Variants in PCCA observed in about 807,000 individuals in gnomAD.
The protein encoded by PCCA is propionyl-CoA carboxylase alpha chain, mitochondrial.
A neutral mutation model predicts 101.3 loss-of-function variants in PCCA; 74 were observed. The observed-to-expected ratio is 0.73, with a 90% confidence interval of 0.61 to 0.89. PCCA has a LOEUF of 0.89. Among genes scored for constraint, PCCA ranks in the 40% least tolerant of loss-of-function variants. PCCA has a pLI of 0.00. For synonymous variants in PCCA, 294 were observed against 313.6 expected (o/e 0.94, Z 0.66); for missense variants, 891 against 907.0 (o/e 0.98, Z 0.23).
chr13:100,425,432 T>A (rs1056069567), intron 19 of PCCA, among the ~76,000 whole-genome samples: 7 of 152,270 alleles, frequency 4.6e-5, no homozygotes, highest in Non-Finnish European at 1.0e-4. Context: ...AGGCAGCTGT[T>A]CACAGGTCCT....
intron 16 of PCCA, 21 bp downstream of exon 16, chr13:100,309,929 T>A: frequency 6.4e-7 from 1 of 1,566,648 alleles, no homozygotes; most frequent in Non-Finnish European, 8.8e-7. Context: ...AGATTTGCAC[T>A]CGTTGGTTAT....
chr13:100,381,355 C>G (rs1214675081), intron 19 of PCCA, among the ~76,000 whole-genome samples: 1 of 150,844 alleles, frequency 6.6e-6, no homozygotes, highest in Non-Finnish European at 1.5e-5. Flanking sequence ...CCACACTGCA[C>G]TCCAGCCTGG....
rs932458950 is a variant in PCCA at position 100,394,685 on chromosome 13, A to G, written c.1746+26111A>G. On this transcript the variant is annotated intron_variant, in intron 19 of 23. Coordinates refer to ENST00000376285, the MANE Select transcript of PCCA (RefSeq NM_000282.4). The surrounding 1 kb of genome is among the most constrained non-coding windows in gnomAD (Gnocchi z 4.3). Reference sequence around the variant, plus strand: ...AATTGCATTTTGATTCACTTTGCCTACAGTGCACAGGTCAGGTCTGCTTCT... The same window carrying G: ...AATTGCATTTTGATTCACTTTGCCTGCAGTGCACAGGTCAGGTCTGCTTCT... Among the ~76,000 whole-genome samples the G allele has an allele frequency of 6.6e-6, 1 of 152,214 alleles. No individual in the cohort carries two copies. Among genetic ancestry groups the G allele is most frequent in the African/African-American group, 2.4e-5 (1 of 41,460 alleles).
intron 4 of PCCA, among the ~76,000 whole-genome samples, chr13:100,143,270 C>G (rs111850619): frequency 3.3e-5 from 5 of 152,138 alleles, no homozygotes; most frequent in African/African-American, 1.2e-4. Flanking sequence ...TGGCTCATGC[C>G]TGTAATCCCA....
At chr13:100,253,608 A>G (rs2061889108) in intron 8 of PCCA, among the ~76,000 whole-genome samples, 1 of 152,224 alleles carries the variant, frequency 6.6e-6, no homozygotes. Context: ...GTACTTTGCT[A>G]ACCTAAGTTT....
chr13:100,130,929 A>T (rs924073178), intron 4 of PCCA, among the ~76,000 whole-genome samples: 1 of 152,208 alleles, frequency 6.6e-6, no homozygotes, highest in African/African-American at 2.4e-5. Context: ...TCCATGTATC[A>T]GTTTTTTTAC....
At chr13:100,123,096 G>A (rs983598758) in intron 4 of PCCA, among the ~76,000 whole-genome samples, 6 of 152,148 alleles carry the variant, frequency 3.9e-5, no homozygotes, top group Non-Finnish European at 5.9e-5. Flanking sequence ...TCACTCTGTC[G>A]TCCAGGCTGG....
chr13:100,482,258 G>C (rs905218819), intron 21 of PCCA, among the ~76,000 whole-genome samples: 1 of 152,174 alleles, frequency 6.6e-6, no homozygotes, highest in Non-Finnish European at 1.5e-5. Flanking sequence ...GGAGAACATG[G>C]GTCAGGTCAG....
chr13:100,153,012 A>G (rs1323643153), intron 4 of PCCA, among the ~76,000 whole-genome samples: 1 of 152,150 alleles, frequency 6.6e-6, no homozygotes, highest in African/African-American at 2.4e-5. Context: ...ACCAATTGCC[A>G]TATGTATTGC....
At chr13:100,285,347 C>T (rs1045521221) in intron 12 of PCCA, among the ~76,000 whole-genome samples, 2 of 152,184 alleles carry the variant, frequency 1.3e-5, no homozygotes, top group African/African-American at 4.8e-5. Flanking sequence ...TCCCACAGTA[C>T]AAAGCTTCTC....
intron 19 of PCCA, among the ~76,000 whole-genome samples, chr13:100,397,002 C>G (rs1460882658): frequency 6.6e-6 from 1 of 152,190 alleles, no homozygotes; most frequent in Non-Finnish European, 1.5e-5. Flanking sequence ...ATGGGGCCGA[C>G]TGGCTCCTGC....
At chr13:100,411,138 T>C (rs1453119484) in intron 19 of PCCA, among the ~76,000 whole-genome samples, 1 of 152,124 alleles carries the variant, frequency 6.6e-6, no homozygotes, top group Non-Finnish European at 1.5e-5. Context: ...ATGTATTTGC[T>C]TAGGGCTTAA....
At chr13:100,438,368 A>T (rs972231992) in intron 20 of PCCA, among the ~76,000 whole-genome samples, 2 of 151,074 alleles carry the variant, frequency 1.3e-5, no homozygotes, top group Admixed American at 6.6e-5. Context: ...GTTGCCCAGA[A>T]CTCCTGGACT....
At chr13:100,435,477 A>G (rs1421033261) in intron 20 of PCCA, among the ~76,000 whole-genome samples, 1 of 152,192 alleles carries the variant, frequency 6.6e-6, no homozygotes, top group East Asian at 1.9e-4. Context: ...TGGGAAGGCA[A>G]CTTACCTTTG....
intron 17 of PCCA, among the ~76,000 whole-genome samples, chr13:100,335,875 C>T (rs1330697718): frequency 6.6e-6 from 1 of 152,144 alleles, no homozygotes; most frequent in Non-Finnish European, 1.5e-5. Context: ...GCCAGATTAC[C>T]CTACAGACAA....
At chr13:100,164,686 T>C (rs1454980669) in intron 6 of PCCA, among the ~76,000 whole-genome samples, 3 of 152,224 alleles carry the variant, frequency 2.0e-5, no homozygotes, top group Non-Finnish European at 2.9e-5. Context: ...TGTATTTTTA[T>C]TGTGGTAAAG....
intron 6 of PCCA, among the ~76,000 whole-genome samples, chr13:100,197,767 G>C (rs2058210885): frequency 6.6e-6 from 1 of 152,072 alleles, no homozygotes; most frequent in Admixed American, 6.6e-5. Flanking sequence ...CTGAGTTCAG[G>C]TTAAAAACCA....
At chr13:100,524,905 A>G (rs1433594603) in intron 22 of PCCA, among the ~76,000 whole-genome samples, 3 of 152,098 alleles carry the variant, frequency 2.0e-5, no homozygotes, top group Non-Finnish European at 4.4e-5. Flanking sequence ...AGATTAGATT[A>G]GATTACATAA....
chr13:100,098,472 C>T (rs543680511), intron 1 of PCCA, among the ~76,000 whole-genome samples: 20 of 152,236 alleles, frequency 1.3e-4, no homozygotes, highest in African/African-American at 4.8e-4. Context: ...CTGGGACTGG[C>T]CTTTTGAATG....
Sources: allele counts gnomAD v4.1 joint callset (sites outside exome capture counted in the v4.1 genomes callset), GRCh38; gene constraint gnomAD v4.1.1; non-coding constraint Gnocchi (gnomAD v3.1); transcripts MANE v1.5; gene names NCBI Gene and HGNC (gene_info 2026-07-23, HGNC 2026-07-21).